Variants in LIMS1 observed in about 807,000 individuals in gnomAD.
LIMS1 encodes the protein LIM and senescent cell antigen-like-containing domain protein 1.
In LIMS1, 18 loss-of-function variants were observed where a neutral mutation model predicts 44.1. The ratio of observed to expected loss-of-function variants is 0.41; its 90% CI spans 0.28 to 0.61. The LOEUF is 0.61. Ranked by LOEUF, LIMS1 falls within the 20% of genes least tolerant of loss-of-function variation. LIMS1 has a pLI of 0.32. For missense variants in LIMS1, 201 were observed against 422.0 expected (o/e 0.48, Z 4.59); for synonymous variants, 93 against 149.1 (o/e 0.62, Z 2.74).
In LIMS1 at chr2:108,628,629, C is replaced by G. The variant is rs370846608; in HGVS notation, c.33-30976C>G. ...ATTACAGGCGCACCACCACGCCCAG[C>G]TAATTTTTGTATTTTTAGTAGAGAC... On this transcript the variant is annotated intron_variant, in intron 1 of 9. Transcript: ENST00000544547. Among the ~76,000 whole-genome samples, 307 of 152,246 alleles carry G rather than the reference C, an allele frequency of 2.0e-3. 3 individuals are homozygous for G. The highest frequency in any genetic ancestry group is 7.1e-3 in the African/African-American group (293 of 41,544).
At chr2:108,580,775 T>G (rs796404963) in intron 1 of LIMS1, among the ~76,000 whole-genome samples, 14 of 152,316 alleles carry the variant, frequency 9.2e-5, no homozygotes, top group African/African-American at 3.4e-4. Context: ...ACCATTGTGT[T>G]CATAGTGGTC....
intron 2 of LIMS1, among the ~76,000 whole-genome samples, chr2:108,664,209 G>A (rs1021986346): frequency 1.3e-5 from 2 of 152,158 alleles, no homozygotes; most frequent in Non-Finnish European, 2.9e-5. Flanking sequence ...CTCACTTCAA[G>A]GCAGTTTATG....
At chr2:108,573,904 C>T (rs573424169) in intron 1 of LIMS1, among the ~76,000 whole-genome samples, 1 of 152,278 alleles carries the variant, frequency 6.6e-6, no homozygotes, top group East Asian at 1.9e-4. Flanking sequence ...TGAGGTCCTG[C>T]AGTTTTGAGG....
At position 108,540,193 on chromosome 2, in the gene LIMS1, CTTTTTTTTTTT is replaced by C. The variant is rs34386092; in HGVS notation, c.32+5612_32+5622del. 6.7e-3 allele frequency among the ~76,000 whole-genome samples: 627 copies of C among 93,364 alleles called. 4 individuals are homozygous for C. Among genetic ancestry groups the C allele is most frequent in the Non-Finnish European group, 8.4e-3 (420 of 49,990 alleles). The allele number at this position is 93,364 out of a possible 152,430, so 61.3% of individuals were successfully genotyped here. ...TTAACAGGTGATAAAGTACAGATTC[CTTTTTTTTTTT>C]TTTTTTTTTTTTGAGACGGAGTCTT... On this transcript the variant is annotated intron_variant, in intron 1 of 9. Coordinates refer to ENST00000544547, the Ensembl canonical transcript of LIMS1.
rs185522392 is a variant in LIMS1 at position 108,565,112 on chromosome 2, C to T, written c.32+30518C>T. 1.9e-3 allele frequency among the ~76,000 whole-genome samples: 291 copies of T among 152,342 alleles called. 3 individuals are homozygous for T. The highest frequency in any genetic ancestry group is 6.7e-3 in the African/African-American group (277 of 41,578). ...GAGTTGACCTCTGGAATACTTGATTCTCTCAACTCAACTTTGTTACTTATG... is the reference window on the plus strand; with the variant it reads ...GAGTTGACCTCTGGAATACTTGATTTTCTCAACTCAACTTTGTTACTTATG... On this transcript the variant is annotated intron_variant, in intron 1 of 9. Transcript: ENST00000544547.
intron 1 of LIMS1, among the ~76,000 whole-genome samples, chr2:108,597,339 G>T (rs1334575457): frequency 6.6e-6 from 1 of 152,134 alleles, no homozygotes; most frequent in African/African-American, 2.4e-5. Context: ...AGGAATTCAT[G>T]CCCCCAGTGC....
chr2:108,661,681 G>A lies in LIMS1; in HGVS notation c.192+1917G>A, dbSNP rs185560420. On this transcript the variant is annotated intron_variant, in intron 2 of 9. Coordinates refer to ENST00000544547, the Ensembl canonical transcript of LIMS1. ...GCAGCAAGAAGAGAGGGCGTTTGCT[G>A]GTGGTAGTGGTGGTGAGCCATGACT... Among the ~76,000 whole-genome samples the A allele has an allele frequency of 5.3e-5, 8 of 152,280 alleles. No individual in the cohort carries two copies. The East Asian group carries it at 1.5e-3, about 29-fold the overall frequency.
chr2:108,555,435 C>T (rs570399505), intron 1 of LIMS1, among the ~76,000 whole-genome samples: 1 of 152,226 alleles, frequency 6.6e-6, no homozygotes, highest in Non-Finnish European at 1.5e-5. Context: ...CCCTCTGCCT[C>T]TCATCTCATA....
chr2:108,620,627 C>G (rs1325945774), intron 1 of LIMS1, among the ~76,000 whole-genome samples: 1 of 152,162 alleles, frequency 6.6e-6, no homozygotes, highest in African/African-American at 2.4e-5. Context: ...AAGCCAACAG[C>G]ATTGTGTCAG....
intron 1 of LIMS1, among the ~76,000 whole-genome samples, chr2:108,542,934 T>C (rs1684361423): frequency 6.6e-6 from 1 of 152,272 alleles, no homozygotes; most frequent in African/African-American, 2.4e-5. Flanking sequence ...ATTATTTTTA[T>C]TTGAACTCTT....
rs570729579 is a variant in LIMS1 at position 108,584,659 on chromosome 2, G to T, written c.32+50065G>T. On this transcript the variant is annotated intron_variant, in intron 1 of 9. Transcript: ENST00000544547. ...GGAGGAGTGCGGGATCCAGGCAGGA[G>T]AGTCGACTAGGAAGGTATGGACAGG... Among the ~76,000 whole-genome samples, 19 of 152,248 alleles carry T rather than the reference G, an allele frequency of 1.2e-4. No homozygotes were observed. In the South Asian group the frequency reaches 3.3e-3, roughly 27 times the overall value.
intron 1 of LIMS1, among the ~76,000 whole-genome samples, chr2:108,584,458 T>C (rs568161994): frequency 6.6e-6 from 1 of 152,054 alleles, no homozygotes; most frequent in East Asian, 1.9e-4. Context: ...ACAGTGCCCC[T>C]CCTATAGGCC....
chr2:108,659,148 G>C (rs1009592899), intron 1 of LIMS1: 4 of 980,538 alleles, frequency 4.1e-6, no homozygotes, highest in African/African-American at 3.5e-5. Context: ...CCCGTGTCTA[G>C]GTTATATGAC....
At chr2:108,558,214 A>AT (rs974139358) in intron 1 of LIMS1, among the ~76,000 whole-genome samples, 7 of 134,936 alleles carry the variant, frequency 5.2e-5, no homozygotes, top group African/African-American at 1.3e-4. Context: ...AGATTTGTGC[A>AT]TTTTTTTCTT....
chr2:108,600,897 TCTTCTCTTC>T (rs776213997), intron 1 of LIMS1, among the ~76,000 whole-genome samples: 54,640 of 143,956 alleles, frequency 0.38, 11,664 homozygotes, highest in East Asian at 0.88. Context: ...TTCGTTCTTC[TCTTCTCTTC>T]TCTTCTCTTC....
chr2:108,559,095 A>G (rs1049923959), intron 1 of LIMS1, among the ~76,000 whole-genome samples: 1 of 152,220 alleles, frequency 6.6e-6, no homozygotes, highest in Admixed American at 6.5e-5. Flanking sequence ...TAAGCCTCAC[A>G]CTAATATCAC....
intron 1 of LIMS1, among the ~76,000 whole-genome samples, chr2:108,542,389 C>A (rs1269333181): frequency 6.6e-6 from 1 of 152,158 alleles, no homozygotes; most frequent in Non-Finnish European, 1.5e-5. Context: ...CCATCACAGC[C>A]ACACCACGAA....
intron 1 of LIMS1, among the ~76,000 whole-genome samples, chr2:108,633,463 G>A (rs1481679733): frequency 6.6e-6 from 1 of 152,162 alleles, no homozygotes; most frequent in Non-Finnish European, 1.5e-5. Flanking sequence ...ATATTTATTA[G>A]TTTATTTGAA....
chr2:108,588,739 G>C, intron 1 of LIMS1: 1 of 385,322 alleles, frequency 2.6e-6, no homozygotes, highest in East Asian at 1.6e-4. Context: ...AGGGTCTTGG[G>C]TGAGTTGTAG....
Sources: allele counts gnomAD v4.1 joint callset (sites outside exome capture counted in the v4.1 genomes callset), GRCh38; gene constraint gnomAD v4.1.1; transcripts MANE v1.5; gene names NCBI Gene and HGNC (gene_info 2026-07-23, HGNC 2026-07-21).